NOL12: variants seen among roughly 807,000 people sequenced by gnomAD.
NOL12 encodes nucleolar protein 12.
A neutral mutation model predicts 25.2 loss-of-function variants in NOL12; 21 were observed. That is an observed-to-expected ratio of 0.83 (90% confidence interval 0.59 to 1.20). The LOEUF is 1.20. Ranked by LOEUF, NOL12 falls within the 50% of genes most tolerant of loss-of-function variation. The probability of loss-of-function intolerance (pLI) is 0.00; values close to 1 mark genes in which losing one functional copy is unlikely to be tolerated. For synonymous variants in NOL12, 133 were observed against 113.8 expected, an observed-to-expected ratio of 1.17 and a Z score of -1.08; for missense variants, 286 against 287.6, an observed-to-expected ratio of 0.99 and a Z score of 0.04.
At chr22:37,687,192 A>C (rs567042628) in intron 1 of NOL12, 1 of 682,144 alleles carries the variant, frequency 1.5e-6, no homozygotes, top group East Asian at 1.3e-4. Context: ...GGTGGCCCTG[A>C]AAACCCTGTT....
chr22:37,692,316 C>G lies in NOL12; in HGVS notation c.*980C>G, dbSNP rs939629895. ...AGGCTGCAGTGAGCCGAGATCACGC[C>G]ATTGCACTCCAGCCTGGGCAACGTT... On this transcript the variant is annotated 3_prime_UTR_variant, in exon 6 of 6. Transcript: ENST00000359114. 7.6e-6 allele frequency: 3 copies of G among 392,380 alleles called. No individual in the cohort carries two copies. The highest frequency in any genetic ancestry group is 2.1e-5 in the African/African-American group (1 of 48,538). The allele number at this position is 392,380 out of a possible 1,614,324, so 24.3% of individuals were successfully genotyped here. A position where few individuals can be genotyped will look rare whatever the true frequency, so the allele number is the denominator to read the frequency against.
rs1204434853 is a variant in NOL12, at chr22:37,692,799, T to C, written c.*1463T>C. The C allele has an allele frequency of 1.0e-5, 4 of 398,102 alleles. No homozygotes were observed. Among genetic ancestry groups the C allele is most frequent in the Non-Finnish European group, 1.8e-5 (4 of 226,170 alleles). 24.7% of individuals were successfully genotyped at this position (398,102 alleles called of 1,614,324 possible). On this transcript the variant is annotated 3_prime_UTR_variant, in exon 6 of 6. Coordinates refer to ENST00000359114, the MANE Select transcript of NOL12 (RefSeq NM_024313.3). ...CTCTCCACAGCCAACAGCCAGGCCTTACAGTGGGGCAGGCTTAGTGACTGT... is the reference window on the plus strand; with the variant it reads ...CTCTCCACAGCCAACAGCCAGGCCTCACAGTGGGGCAGGCTTAGTGACTGT...
chr22:37,688,474 C>A, intron 3 of NOL12, 114 bp downstream of exon 3: 1 of 1,130,188 alleles, frequency 8.8e-7, no homozygotes, highest in Non-Finnish European at 1.3e-6. Context: ...TTGGGGGGTA[C>A]CCTGGGGCCA....
Position 37,688,229 on chromosome 22 carries a change from T to G in NOL12, c.190-83T>G. 3.4e-6 allele frequency: 5 copies of G among 1,465,072 alleles called. No individual in the cohort carries two copies. In the South Asian group the frequency reaches 5.7e-5, roughly 17 times the overall value. 90.8% of individuals were successfully genotyped at this position (1,465,072 alleles called of 1,614,324 possible). On this transcript the variant is annotated intron_variant, in intron 2 of 5. Coordinates refer to ENST00000359114, the MANE Select transcript of NOL12 (RefSeq NM_024313.3). ...CTTGCAGTATGGATCATGGTCTCCC[T>G]CACCCTGGGGGTGATTAATACCCCA...
chr22:37,687,904 CT>C lies in NOL12; in HGVS notation c.84-5del. On this transcript the variant is annotated splice_region_variant and splice_polypyrimidine_tract_variant and intron_variant, in intron 1 of 5. Transcript: ENST00000359114. ...TCTCCTGTCTCTGCCGGCTTCCTTCCTGTAGGGAGTACCTGACAGGCTTCCA... is the reference window on the plus strand; with the variant it reads ...TCTCCTGTCTCTGCCGGCTTCCTTCCGTAGGGAGTACCTGACAGGCTTCCA... 6.4e-7 allele frequency: 1 copy of C among 1,563,582 alleles called. No homozygotes were observed. The highest frequency in any genetic ancestry group is 8.7e-7 in the Non-Finnish European group (1 of 1,153,858).
chr22:37,689,254 G>T (rs958976240), intron 4 of NOL12, among the ~76,000 whole-genome samples: 3 of 152,252 alleles, frequency 2.0e-5, no homozygotes, highest in Non-Finnish European at 4.4e-5. Flanking sequence ...CGGCTGAGGA[G>T]CTTGGGCAGG....
intron 1 of NOL12, 90 bp from the exon 2 acceptor site, chr22:37,687,820 T>G: frequency 1.1e-6 from 1 of 926,846 alleles, no homozygotes; most frequent in Non-Finnish European, 1.7e-6. Flanking sequence ...TAGCACATAG[T>G]GAGCGCGGCA....
At chr22:37,686,719 T>A in intron 1 of NOL12, 1 of 985,442 alleles carries the variant, frequency 1.0e-6, no homozygotes, top group African/African-American at 1.7e-5. Flanking sequence ...AGCTCGGGTC[T>A]CAGAGCAGTG....
chr22:37,688,986 A>T lies in NOL12; in HGVS notation c.375A>T (p.Pro125=). Residue 125 remains proline (P), a synonymous_variant, in exon 4 of 6, where the codon CCA becomes CCT. Transcript: ENST00000359114. ...LSGARLLGLT[P]PEGGAGDRSE... ...GGGCCCGGCTGCTCGGGCTGACCCC[A>T]CCTGAGGTGGGTCCCAGTCTCAGCC... The T allele has an allele frequency of 6.2e-7, 1 of 1,611,712 alleles. No homozygotes were observed. Among genetic ancestry groups the T allele is most frequent in the Non-Finnish European group, 8.5e-7 (1 of 1,179,918 alleles).
chr22:37,686,994 A>G, intron 1 of NOL12: 1 of 985,404 alleles, frequency 1.0e-6, no homozygotes, highest in Non-Finnish European at 1.2e-6. Context: ...CAAAATGGGA[A>G]CAGAGCAGCT....
rs749603902 is a variant in NOL12, at chr22:37,691,346, C to T, written c.*10C>T. The T allele has an allele frequency of 2.8e-5, 44 of 1,598,224 alleles. No homozygotes were observed. In the Admixed American group the frequency reaches 3.1e-4, roughly 11 times the overall value. On this transcript the variant is annotated 3_prime_UTR_variant, in exon 6 of 6. Transcript: ENST00000359114. ...GCACAGCGGGGAGTGAGACCGAGAA[C>T]GAAGCGGTGCCCCAGTCTAGGCTGC... is the stretch of plus-strand genomic sequence containing the variant.
At position 37,689,553 on chromosome 22, in the gene NOL12, G is replaced by C. The variant is rs142306053; in HGVS notation, c.381+561G>C. ...ATCAGCATAAAAAAAAAATATAATT[G>C]AAAATATCCGAAAGTGTCATGTTAA... is the stretch of plus-strand genomic sequence containing the variant. On this transcript the variant is annotated intron_variant, in intron 4 of 5. Transcript: ENST00000359114. 1.0e-3 allele frequency among the ~76,000 whole-genome samples: 159 copies of C among 152,282 alleles called. 2 individuals carry two copies. Among genetic ancestry groups the C allele is most frequent in the South Asian group, 4.1e-3 (20 of 4,828 alleles).
chr22:37,688,776 C>A, intron 3 of NOL12, 74 bp from the exon 4 acceptor site: 1 of 1,546,256 alleles, frequency 6.5e-7, no homozygotes, highest in Non-Finnish European at 8.9e-7. Context: ...GCACTGCACT[C>A]CAGGGCGGGA....
rs545014550 is a variant in NOL12, at chr22:37,692,694, G to A, written c.*1358G>A. On this transcript the variant is annotated 3_prime_UTR_variant, in exon 6 of 6. Transcript: ENST00000359114. ...GTGCGGTGAGGGGCATCTGCGACAG[G>A]ACTGCGGGCTCTACCCGCCCTGATG... 2 of 398,928 alleles carry A rather than the reference G, an allele frequency of 5.0e-6. No individual in the cohort carries two copies. Among genetic ancestry groups the A allele is most frequent in the South Asian group, 2.5e-4 (2 of 7,882 alleles). 24.7% of individuals were successfully genotyped at this position (398,928 alleles called of 1,614,324 possible).
At position 37,693,352 on chromosome 22, in the gene NOL12, C is replaced by G. The variant is rs953878956; in HGVS notation, c.*2016C>G. ...TCCAGGTGTGCCTACCGCATGTTGC[C>G]GCTGCTGTTTCTGCTGGGACGTCTG... On this transcript the variant is annotated 3_prime_UTR_variant, in exon 6 of 6. Coordinates refer to ENST00000359114, the MANE Select transcript of NOL12 (RefSeq NM_024313.3). 1.3e-5 allele frequency: 2 copies of G among 152,718 alleles called. No individual in the cohort carries two copies. Among genetic ancestry groups the G allele is most frequent in the Admixed American group, 1.3e-4 (2 of 15,270 alleles). 9.5% of individuals were successfully genotyped at this position (152,718 alleles called of 1,614,324 possible).
rs141882775 is a variant in NOL12, at chr22:37,690,793, C to T, written c.478C>T (p.Arg160Trp). The T allele has an allele frequency of 9.3e-6, 15 of 1,611,180 alleles. No individual in the cohort carries two copies. In the African/African-American group the frequency reaches 9.3e-5, roughly 10 times the overall value. The change falls in exon 5 of 6, where the codon CGG (arginine) becomes TGG (tryptophan). Residue 160 changes from arginine to tryptophan, a missense_variant and splice_region_variant. Physicochemically the swap from Arg to Trp is moderately radical, Grantham distance 101 (BLOSUM62 -3). Coordinates refer to ENST00000359114, the MANE Select transcript of NOL12 (RefSeq NM_024313.3). ...GTCCAGAGACCCCCTGCTCTCTCAGCGGTGAGTCTTGGCCTGCTGCCTCCC... is the reference window on the plus strand; with the variant it reads ...GTCCAGAGACCCCCTGCTCTCTCAGTGGTGAGTCTTGGCCTGCTGCCTCCC... The part of the protein sequence containing the change: ...RKSRDPLLSQ[R>W]ISSLTASLHA...
chr22:37,687,989 G>A lies in NOL12; in HGVS notation c.163G>A (p.Glu55Lys). 1.3e-6 allele frequency: 2 copies of A among 1,583,054 alleles called. No homozygotes were observed. The highest frequency in any genetic ancestry group is 1.7e-6 in the Non-Finnish European group (2 of 1,164,626). Residue 55 changes from glutamate to lysine, a missense_variant, in exon 2 of 6, where the codon GAG becomes AAG. Glu to Lys is a moderately conservative substitution (Grantham distance 56). Coordinates refer to ENST00000359114, the MANE Select transcript of NOL12 (RefSeq NM_024313.3). ...TGAGGAGATTAAGCAGCGGCTGAAA[G>A]AGGAGCAGAGGAAGCTTCGGGAGGA... ...AIEEIKQRLK[E>K]EQRKLREERH... is the part of the protein sequence containing the mutation.
chr22:37,687,550 C>G (rs1227727726), intron 1 of NOL12, among the ~76,000 whole-genome samples: 1 of 152,094 alleles, frequency 6.6e-6, no homozygotes, highest in African/African-American at 2.4e-5. Flanking sequence ...CTCCGCCTCC[C>G]AGGTTCAAGC....
intron 5 of NOL12, 103 bp downstream of exon 5, chr22:37,690,897 C>G: frequency 1.2e-6 from 1 of 836,142 alleles, no homozygotes; most frequent in Non-Finnish European, 1.9e-6. Context: ...CGGAGCAGCC[C>G]TCTGCCTGTC....
Sources: allele counts gnomAD v4.1 joint callset (sites outside exome capture counted in the v4.1 genomes callset), GRCh38; gene constraint gnomAD v4.1.1; transcripts MANE v1.5; gene names NCBI Gene and HGNC (gene_info 2026-07-23, HGNC 2026-07-21).